Variants in DDX10 observed in about 807,000 individuals in gnomAD.
The protein encoded by DDX10 is DEAD-box helicase 10, also known as probable ATP-dependent RNA helicase DDX10.
In DDX10, 74 loss-of-function variants were observed where a neutral mutation model predicts 104.3. The observed-to-expected ratio is 0.71, with a 90% CI of 0.59 to 0.86. The LOEUF (loss-of-function observed/expected upper bound fraction) is 0.86. Among genes scored for constraint, DDX10 ranks in the 40% least tolerant of loss-of-function variants. The pLI, the probability that DDX10 is intolerant of heterozygous loss-of-function variation, is 0.00. For missense variants in DDX10, 952 were observed against 1,040.0 expected (o/e 0.92, Z 1.16); for synonymous variants, 351 against 353.4 (o/e 0.99, Z 0.08).
intron 6 of DDX10, among the ~76,000 whole-genome samples, chr11:108,686,985 C>T (rs1316566491): frequency 6.6e-6 from 1 of 152,024 alleles, no homozygotes; most frequent in Non-Finnish European, 1.5e-5. Context: ...TGGGGTCTCA[C>T]TGTGTTTGCC....
intron 16 of DDX10, among the ~76,000 whole-genome samples, chr11:108,893,504 C>A (rs954440459): frequency 6.6e-6 from 1 of 151,652 alleles, no homozygotes; most frequent in Non-Finnish European, 1.5e-5. Flanking sequence ...TAAATGTTAA[C>A]CCATAAATAA....
intron 13 of DDX10, among the ~76,000 whole-genome samples, chr11:108,779,882 C>T (rs1006551016): frequency 6.6e-6 from 1 of 151,920 alleles, no homozygotes; most frequent in African/African-American, 2.4e-5. Context: ...AGCAAAATTC[C>T]TGGGTTAAAG....
chr11:108,684,895 A>G (rs1012846975), intron 6 of DDX10, among the ~76,000 whole-genome samples: 2 of 143,634 alleles, frequency 1.4e-5, no homozygotes, highest in African/African-American at 5.2e-5. Context: ...TTGCCATTCT[A>G]ACTGGTGTGA....
At chr11:108,678,868 T>TA (rs2094230105) in intron 5 of DDX10, among the ~76,000 whole-genome samples, 2 of 115,278 alleles carry the variant, frequency 1.7e-5, no homozygotes, top group Non-Finnish European at 3.5e-5. Flanking sequence ...TGGTTTCCCC[T>TA]AATTTTTTTT....
intron 16 of DDX10, among the ~76,000 whole-genome samples, chr11:108,887,376 CTTTTA>C (rs1225520932): frequency 1.3e-5 from 2 of 150,994 alleles, no homozygotes; most frequent in African/African-American, 4.9e-5. Context: ...ATACTTTTTT[CTTTTA>C]TATTTGTCTG....
chr11:108,671,130 A>AT (rs775178605), intron 1 of DDX10, among the ~76,000 whole-genome samples: 12 of 152,076 alleles, frequency 7.9e-5, no homozygotes, highest in Non-Finnish European at 1.3e-4. Flanking sequence ...GATGTAAGTG[A>AT]TTTTTCCCCC....
At chr11:108,751,494 G>C (rs528235844) in intron 13 of DDX10, among the ~76,000 whole-genome samples, 2 of 152,182 alleles carry the variant, frequency 1.3e-5, no homozygotes, top group African/African-American at 4.8e-5. Context: ...TGAAAGTCAA[G>C]TGGGAGGGGT....
chr11:108,782,110 A>G lies in DDX10; in HGVS notation c.1966-56336A>G, dbSNP rs557446418. Among the ~76,000 whole-genome samples, 3 of 152,306 alleles carry G rather than the reference A, an allele frequency of 2.0e-5. 1 individual carries two copies. The highest frequency in any genetic ancestry group is 4.1e-4 in the South Asian group (2 of 4,826). On this transcript the variant is annotated intron_variant, in intron 13 of 17. Coordinates refer to ENST00000322536, the MANE Select transcript of DDX10 (RefSeq NM_004398.4). ...CAGATGTAACGTATCTGTTCTTCCA[A>G]TTAATTTCTGACAAGCTCAGGTGAT...
intron 12 of DDX10, among the ~76,000 whole-genome samples, chr11:108,720,506 C>T (rs1177630214): frequency 2.6e-5 from 4 of 152,166 alleles, no homozygotes; most frequent in Non-Finnish European, 5.9e-5. Context: ...CTCATAGTTA[C>T]TATGGCAAGA....
chr11:108,840,696 C>T (rs1464033444), intron 14 of DDX10, among the ~76,000 whole-genome samples: 2 of 152,078 alleles, frequency 1.3e-5, no homozygotes, highest in Admixed American at 1.3e-4. Context: ...CTGATTTTCT[C>T]CTTTTCAGTT....
chr11:108,716,019 T>G (rs1471739954), intron 11 of DDX10, 53 bp downstream of exon 11: 2 of 967,130 alleles, frequency 2.1e-6, no homozygotes, highest in East Asian at 2.4e-5. Context: ...CAGTAAAGTT[T>G]ATCATTTTCT....
intron 13 of DDX10, among the ~76,000 whole-genome samples, chr11:108,819,767 C>A (rs1373922998): frequency 6.6e-6 from 1 of 151,896 alleles, no homozygotes; most frequent in South Asian, 2.1e-4. Context: ...CCCAGCTGAT[C>A]TTTGTATTTT....
intron 1 of DDX10, among the ~76,000 whole-genome samples, chr11:108,672,625 C>T (rs1591786868): frequency 6.6e-6 from 1 of 151,614 alleles, no homozygotes; most frequent in South Asian, 2.1e-4. Flanking sequence ...CAACTGTCAT[C>T]CTTTTACTGC....
chr11:108,808,524 A>G (rs1335867843), intron 13 of DDX10, among the ~76,000 whole-genome samples: 1 of 152,194 alleles, frequency 6.6e-6, no homozygotes, highest in Non-Finnish European at 1.5e-5. Flanking sequence ...GCCACATTGT[A>G]GAAATAGGGG....
intron 17 of DDX10, among the ~76,000 whole-genome samples, chr11:108,932,228 G>C (rs754809833): frequency 6.6e-6 from 1 of 151,904 alleles, no homozygotes; most frequent in African/African-American, 2.4e-5. Context: ...TGGCCAACAG[G>C]TATAGTTCGC....
intron 13 of DDX10, among the ~76,000 whole-genome samples, chr11:108,771,458 C>T (rs538534588): frequency 8.5e-5 from 13 of 152,214 alleles, no homozygotes; most frequent in African/African-American, 1.9e-4. Flanking sequence ...CATTCTCCTG[C>T]GTCAGCCTCC....
At chr11:108,766,429 G>A in intron 13 of DDX10, among the ~76,000 whole-genome samples, 1 of 151,984 alleles carries the variant, frequency 6.6e-6, no homozygotes, top group African/African-American at 2.4e-5. Flanking sequence ...TCTTTGCCCT[G>A]GTGTCTTTGG....
chr11:108,801,238 C>T (rs769102936), intron 13 of DDX10, among the ~76,000 whole-genome samples: 1 of 152,130 alleles, frequency 6.6e-6, no homozygotes, highest in African/African-American at 2.4e-5. Flanking sequence ...AAAAATCTAT[C>T]ATTATATGTC....
At chr11:108,846,125 T>C (rs1252304511) in intron 15 of DDX10, among the ~76,000 whole-genome samples, 1 of 152,204 alleles carries the variant, frequency 6.6e-6, no homozygotes, top group Non-Finnish European at 1.5e-5. Flanking sequence ...TTTTAAAATT[T>C]TATGTTATCT....
Sources: allele counts gnomAD v4.1 joint callset (sites outside exome capture counted in the v4.1 genomes callset), GRCh38; gene constraint gnomAD v4.1.1; transcripts MANE v1.5; gene names NCBI Gene and HGNC (gene_info 2026-07-23, HGNC 2026-07-21).